Variants in SAMD12 observed in about 807,000 individuals in gnomAD.
SAMD12 encodes the protein sterile alpha motif domain-containing protein 12.
Under a neutral mutation model 15.0 loss-of-function variants are expected in SAMD12, and 9 were observed. The ratio of observed to expected loss-of-function variants is 0.60; its 90% CI spans 0.36 to 1.05. The LOEUF is 1.05. Among genes scored for constraint, SAMD12 ranks in the 50% least tolerant of loss-of-function variants. The probability of loss-of-function intolerance (pLI) is 0.01; values close to 1 mark genes in which losing one functional copy is unlikely to be tolerated. For missense variants in SAMD12, 230 were observed against 234.2 expected (o/e 0.98, Z 0.12); for synonymous variants, 86 against 90.1 (o/e 0.96, Z 0.25).
At chr8:118,552,139 T>C in intron 2 of SAMD12, among the ~76,000 whole-genome samples, 1 of 152,042 alleles carries the variant, frequency 6.6e-6, no homozygotes, top group East Asian at 1.9e-4. Context: ...ACTATTCCAA[T>C]CAATAGAAAA....
intron 4 of SAMD12, among the ~76,000 whole-genome samples, chr8:118,341,598 T>G (rs767105099): frequency 2.0e-5 from 3 of 152,158 alleles, no homozygotes; most frequent in Non-Finnish European, 2.9e-5. Flanking sequence ...GGTCAGTTTC[T>G]GGTGCCGGCT....
intron 1 of SAMD12, among the ~76,000 whole-genome samples, chr8:118,599,004 T>A (rs1011780588): frequency 1.1e-4 from 16 of 152,224 alleles, no homozygotes; most frequent in African/African-American, 3.6e-4. Flanking sequence ...CTAAGTCTGA[T>A]TTCCTTGGAC....
chr8:118,484,980 T>C (rs913860347), intron 2 of SAMD12, among the ~76,000 whole-genome samples: 8 of 152,224 alleles, frequency 5.3e-5, no homozygotes, highest in Non-Finnish European at 1.0e-4. Flanking sequence ...TACCCAATGA[T>C]GCTTGTGGGT....
chr8:118,303,415 T>C (rs1815150962), intron 4 of SAMD12, among the ~76,000 whole-genome samples: 1 of 152,186 alleles, frequency 6.6e-6, no homozygotes, highest in Non-Finnish European at 1.5e-5. Flanking sequence ...AATCCTGTGG[T>C]GATATCCCAA....
chr8:118,197,678 G>A, exon 5 of SAMD12: 8 of 1,598,108 alleles, frequency 5.0e-6, no homozygotes, highest in Non-Finnish European at 6.9e-6. Flanking sequence ...CATATCAACT[G>A]GCAGGACAGC....
At chr8:118,594,426 A>G (rs1827667542) in intron 1 of SAMD12, among the ~76,000 whole-genome samples, 1 of 152,182 alleles carries the variant, frequency 6.6e-6, no homozygotes, top group Admixed American at 6.5e-5. Context: ...AAAAACCTAT[A>G]GAAACTCTGT....
At chr8:118,445,396 G>C (rs1007035026) in intron 2 of SAMD12, among the ~76,000 whole-genome samples, 1 of 152,162 alleles carries the variant, frequency 6.6e-6, no homozygotes, top group Admixed American at 6.5e-5. Context: ...ATTGCATGCT[G>C]TTTCCCGAAT....
intron 3 of SAMD12, among the ~76,000 whole-genome samples, chr8:118,390,041 C>G (rs1290985195): frequency 2.0e-5 from 3 of 151,938 alleles, no homozygotes; most frequent in Non-Finnish European, 4.4e-5. Flanking sequence ...GAGTCTTGCT[C>G]TGTCACCCAG....
chr8:118,572,639 T>C (rs953642782), intron 2 of SAMD12, among the ~76,000 whole-genome samples: 28 of 152,200 alleles, frequency 1.8e-4, no homozygotes, highest in Admixed American at 3.9e-4. Context: ...TCTCTTTGCC[T>C]GCTGCCAAAC....
At chr8:118,455,268 C>CCTCTCTCTCTCTCT (rs57371997) in intron 2 of SAMD12, among the ~76,000 whole-genome samples, 298 of 148,730 alleles carry the variant, frequency 2.0e-3, no homozygotes, top group Admixed American at 4.4e-3. Flanking sequence ...GGCTTTCACA[C>CCTCTCTCTCTCTCT]CTCTCTCTCT....
the SAMD12 span, among the ~76,000 whole-genome samples, chr8:118,175,196 A>T: frequency 2.0e-5 from 3 of 152,152 alleles, no homozygotes; most frequent in South Asian, 6.2e-4. Context: ...CACACCTACA[A>T]CCATCTGATC....
chr8:118,320,354 T>C (rs114710306), intron 4 of SAMD12, among the ~76,000 whole-genome samples: 76 of 152,186 alleles, frequency 5.0e-4, no homozygotes, highest in African/African-American at 1.8e-3. Context: ...AGCTTAAATA[T>C]AGAAAGGGTT....
chr8:118,394,314 G>A (rs529399328), intron 3 of SAMD12, among the ~76,000 whole-genome samples: 1 of 152,256 alleles, frequency 6.6e-6, no homozygotes, highest in Admixed American at 6.5e-5. Context: ...TGAGCTTCAA[G>A]GGTTGGTTCA....
chr8:118,449,498 A>G (rs1321847433), intron 2 of SAMD12, among the ~76,000 whole-genome samples: 16 of 151,898 alleles, frequency 1.1e-4, no homozygotes, highest in Non-Finnish European at 1.2e-4. Context: ...TGAAAAACAC[A>G]GGCATAGGAA....
In SAMD12 at chr8:118,269,216, CTCTCTGTGTGTGTG is replaced by C. The variant is rs773637194; in HGVS notation, c.434-71498_434-71485del. Among the ~76,000 whole-genome samples, 41 of 116,950 alleles carry C rather than the reference CTCTCTGTGTGTGTG, an allele frequency of 3.5e-4. No homozygotes were observed. The South Asian group carries it at 4.8e-3, about 14-fold the overall frequency. The allele number at this position is 116,950 out of a possible 152,430, so 76.7% of individuals were successfully genotyped here. The stretch of plus-strand genomic sequence containing the variant: ...TTGTTCTCTCTCTCTCTCTCTCTCT[CTCTCTGTGTGTGTG>C]TGTGTGTGTGTGTGTGTGTGTGTGT... On this transcript the variant is annotated intron_variant, in intron 4 of 4. Coordinates refer to the SAMD12 transcript ENST00000409003.
intron 4 of SAMD12, among the ~76,000 whole-genome samples, chr8:118,218,099 G>A (rs1812004967): frequency 6.6e-6 from 1 of 152,110 alleles, no homozygotes; most frequent in Non-Finnish European, 1.5e-5. Context: ...TACTCAAGAA[G>A]ACAAGTATAC....
chr8:118,545,685 G>A (rs143661429), intron 2 of SAMD12, among the ~76,000 whole-genome samples: 2 of 152,108 alleles, frequency 1.3e-5, no homozygotes, highest in African/African-American at 4.8e-5. Context: ...CTTAGGAATA[G>A]AAAAGAAAAA....
At chr8:118,146,644 A>G in the SAMD12 span, among the ~76,000 whole-genome samples, 2 of 152,170 alleles carry the variant, frequency 1.3e-5, no homozygotes, top group African/African-American at 4.8e-5. Flanking sequence ...TCCCGGTAGG[A>G]GAGAAATCAC....
At chr8:118,246,468 C>T (rs755537148) in intron 4 of SAMD12, among the ~76,000 whole-genome samples, 1 of 152,056 alleles carries the variant, frequency 6.6e-6, no homozygotes, top group Non-Finnish European at 1.5e-5. Context: ...TCTAAGTTAG[C>T]CAGGAAGACA....
Sources: allele counts gnomAD v4.1 joint callset (sites outside exome capture counted in the v4.1 genomes callset), GRCh38; gene constraint gnomAD v4.1.1; transcripts MANE v1.5; gene names NCBI Gene and HGNC (gene_info 2026-07-23, HGNC 2026-07-21).